C12orf56: variants seen among roughly 807,000 people sequenced by gnomAD.
The protein encoded by C12orf56 is chromosome 12 open reading frame 56, also known as uncharacterized protein C12orf56.
Under a neutral mutation model 69.9 loss-of-function variants are expected in C12orf56, and 71 were observed. That is an observed-to-expected ratio of 1.02 (90% CI 0.84 to 1.24). The LOEUF is 1.24. C12orf56 is among the 50% of genes most tolerant of loss of function. The pLI, the probability that C12orf56 is intolerant of heterozygous loss-of-function variation, is 0.00. For synonymous variants in C12orf56, 276 were observed against 274.1 expected (o/e 1.01, Z -0.07); for missense variants, 732 against 738.5 (o/e 0.99, Z 0.10).
At chr12:64,367,694 G>A (rs1175563043) in intron 1 of C12orf56, among the ~76,000 whole-genome samples, 1 of 151,342 alleles carries the variant, frequency 6.6e-6, no homozygotes, top group Non-Finnish European at 1.5e-5. Flanking sequence ...AGTAGAGATG[G>A]GATTTCACCA....
chr12:64,328,473 G>C (rs2038873302), intron 3 of C12orf56, among the ~76,000 whole-genome samples: 1 of 151,746 alleles, frequency 6.6e-6, no homozygotes, highest in Admixed American at 6.6e-5. Flanking sequence ...GAGGTCAGGA[G>C]TTCGAGACCT....
intron 1 of C12orf56, among the ~76,000 whole-genome samples, chr12:64,361,840 C>A (rs1402453441): frequency 1.3e-5 from 2 of 152,036 alleles, no homozygotes; most frequent in Non-Finnish European, 2.9e-5. Flanking sequence ...TCAAGCAATT[C>A]TCCTGCCTCA....
At chr12:64,363,143 A>G (rs1430008123) in intron 1 of C12orf56, among the ~76,000 whole-genome samples, 1 of 152,154 alleles carries the variant, frequency 6.6e-6, no homozygotes, top group Non-Finnish European at 1.5e-5. Context: ...CTCCTATTCA[A>G]GGTGGAATTG....
At chr12:64,359,978 G>A (rs1415806646) in intron 1 of C12orf56, among the ~76,000 whole-genome samples, 1 of 151,926 alleles carries the variant, frequency 6.6e-6, no homozygotes, top group African/African-American at 2.4e-5. Context: ...GCCTCCCAAA[G>A]TGCTGGGATT....
At chr12:64,324,766 G>A (rs1308859454) in intron 3 of C12orf56, among the ~76,000 whole-genome samples, 2 of 152,188 alleles carry the variant, frequency 1.3e-5, no homozygotes, top group Non-Finnish European at 2.9e-5. Flanking sequence ...GAGGCAGACA[G>A]GTACTGAGAA....
At chr12:64,281,720 G>A (rs1041920786) in intron 8 of C12orf56, among the ~76,000 whole-genome samples, 11 of 152,202 alleles carry the variant, frequency 7.2e-5, no homozygotes, top group Admixed American at 6.5e-4. Flanking sequence ...CTATAGCAAT[G>A]TAATATATGT....
In C12orf56 at chr12:64,270,474, T is replaced by C. The variant is rs61547812; in HGVS notation, c.1763+62A>G. 5,208 of 1,312,460 alleles carry C rather than the reference T, an allele frequency of 4.0e-3. 155 individuals carry two copies. The African/African-American group carries it at 0.065, about 16-fold the overall frequency. 81.3% of individuals were successfully genotyped at this position (1,312,460 alleles called of 1,614,324 possible). A position where few individuals can be genotyped will look rare whatever the true frequency, so the allele number is the denominator to read the frequency against. ...CTAAATATTGGACCATGTTGCAGGT[T>C]TGCATGAACTCAGAAATGAGTGAAA... On this transcript the variant is annotated intron_variant, in intron 12 of 12. Coordinates refer to ENST00000543942, the MANE Select transcript of C12orf56 (RefSeq NM_001170633.2).
intron 6 of C12orf56, among the ~76,000 whole-genome samples, chr12:64,289,400 G>A: frequency 1.0e-5 from 1 of 97,684 alleles, no homozygotes. Context: ...AATAGGAGTG[G>A]TGAGAGAGGG....
At chr12:64,382,676 C>T (rs1252023341) in intron 1 of C12orf56, among the ~76,000 whole-genome samples, 1 of 151,038 alleles carries the variant, frequency 6.6e-6, no homozygotes, top group Non-Finnish European at 1.5e-5. Context: ...AGATCGAAAC[C>T]ATCCTGGCTA....
intron 3 of C12orf56, among the ~76,000 whole-genome samples, chr12:64,322,157 T>C (rs2038781910): frequency 6.6e-6 from 1 of 151,938 alleles, no homozygotes; most frequent in African/African-American, 2.4e-5. Flanking sequence ...TTTTCTGCAC[T>C]ATACTTTTTC....
At position 64,326,573 on chromosome 12, in the gene C12orf56, A is replaced by G. The variant is rs191814402; in HGVS notation, c.488+4387T>C. Among the ~76,000 whole-genome samples the G allele has an allele frequency of 9.2e-5, 14 of 152,172 alleles. No individual in the cohort carries two copies. The East Asian group carries it at 2.7e-3, about 29-fold the overall frequency. Reference sequence around the variant, plus strand: ...AACATGGTGAAACCCCGTCCCTACTAAAAATACAAAAAAATTAGCTGGGTG... The same window carrying G: ...AACATGGTGAAACCCCGTCCCTACTGAAAATACAAAAAAATTAGCTGGGTG... On this transcript the variant is annotated intron_variant, in intron 3 of 12. Transcript: ENST00000543942.
At chr12:64,272,434 G>A (rs1422512631) in intron 11 of C12orf56, among the ~76,000 whole-genome samples, 3 of 151,970 alleles carry the variant, frequency 2.0e-5, no homozygotes, top group African/African-American at 4.8e-5. Context: ...GAACCCAGGA[G>A]GTGGAGGTTG....
At chr12:64,386,938 G>A (rs2039799580) in intron 1 of C12orf56, among the ~76,000 whole-genome samples, 1 of 151,576 alleles carries the variant, frequency 6.6e-6, no homozygotes, top group Admixed American at 6.6e-5. Context: ...AATTAGCCGG[G>A]CATGGTGGTG....
intron 6 of C12orf56, among the ~76,000 whole-genome samples, chr12:64,296,680 A>G (rs1435107676): frequency 6.6e-6 from 1 of 152,226 alleles, no homozygotes; most frequent in Non-Finnish European, 1.5e-5. Flanking sequence ...GGCCAAGAGC[A>G]GAATGCTGTA....
chr12:64,358,363 CA>C (rs1462339917), intron 1 of C12orf56, among the ~76,000 whole-genome samples: 1 of 151,728 alleles, frequency 6.6e-6, no homozygotes, highest in African/African-American at 2.4e-5. Context: ...GAGACTGAGG[CA>C]GGAGAATCGC....
In C12orf56 at chr12:64,267,062, T is replaced by G; in HGVS notation, c.*121A>C. The G allele has an allele frequency of 1.5e-6, 1 of 668,706 alleles. No homozygotes were observed. The highest frequency in any genetic ancestry group is 2.4e-6 in the Non-Finnish European group (1 of 410,364). 41.4% of individuals were successfully genotyped at this position (668,706 alleles called of 1,614,324 possible). A position where few individuals can be genotyped will look rare whatever the true frequency, so the allele number is the denominator to read the frequency against. On this transcript the variant is annotated 3_prime_UTR_variant, in exon 13 of 13. Transcript: ENST00000543942. Reference sequence around the variant, plus strand: ...TGATGGAACATTCAATTAAAATCTTTGTTTATAGGACTCAGAGATAGCCAG... The same window carrying G: ...TGATGGAACATTCAATTAAAATCTTGGTTTATAGGACTCAGAGATAGCCAG...
chr12:64,293,275 C>G (rs919693435), intron 6 of C12orf56: 2 of 152,198 alleles, frequency 1.3e-5, no homozygotes, highest in Non-Finnish European at 2.9e-5. Flanking sequence ...GAGAGAAACC[C>G]GGTACCTCAG....
intron 3 of C12orf56, among the ~76,000 whole-genome samples, chr12:64,326,038 T>G (rs867358124): frequency 1.3e-5 from 2 of 152,242 alleles, no homozygotes; most frequent in South Asian, 4.1e-4. Context: ...GGACCATATA[T>G]ACCCTTCTAC....
chr12:64,319,044 C>T (rs1592449543), intron 3 of C12orf56, 64 bp from the exon 4 acceptor site: 1 of 1,368,104 alleles, frequency 7.3e-7, no homozygotes, highest in East Asian at 2.5e-5. Flanking sequence ...ACAAAGAGAA[C>T]CGGTAGTTTA....
Sources: gnomAD v4.1 joint callset for allele counts (sites outside exome capture counted in the v4.1 genomes callset) on GRCh38, gnomAD v4.1.1 for gene constraint, MANE v1.5 for transcripts, NCBI Gene and HGNC (gene_info 2026-07-23, HGNC 2026-07-21) for gene names.